Variants in DENND1A observed in about 807,000 individuals in gnomAD.
DENND1A encodes the protein DENN domain-containing protein 1A.
A neutral mutation model predicts 113.7 loss-of-function variants in DENND1A; 51 were observed. The observed-to-expected ratio is 0.45, with a 90% CI of 0.36 to 0.57. The LOEUF (loss-of-function observed/expected upper bound fraction) is 0.57. Among genes scored for constraint, DENND1A ranks in the 20% least tolerant of loss-of-function variants. The pLI is 0.00. For synonymous variants in DENND1A, 565 were observed against 570.8 expected (o/e 0.99, Z 0.14); for missense variants, 1,258 against 1,395.9 (o/e 0.90, Z 1.57).
chr9:123,567,452 C>T (rs568566477), intron 12 of DENND1A, among the ~76,000 whole-genome samples: 12 of 152,048 alleles, frequency 7.9e-5, no homozygotes, highest in African/African-American at 2.9e-4. Context: ...AAAAGTGGAC[C>T]AATATCTTTC....
intron 5 of DENND1A, among the ~76,000 whole-genome samples, chr9:123,723,658 G>C (rs1446442771): frequency 2.0e-5 from 3 of 152,114 alleles, no homozygotes; most frequent in African/African-American, 7.2e-5. Context: ...AGCTCTATTT[G>C]CTTGCTGCCA....
intron 1 of DENND1A, among the ~76,000 whole-genome samples, chr9:123,920,189 G>T (rs959784911): frequency 6.6e-6 from 1 of 152,102 alleles, no homozygotes; most frequent in African/African-American, 2.4e-5. Context: ...CCAGCACTTC[G>T]GGAGGCCGAG....
At chr9:123,627,180 C>T (rs939569914) in intron 10 of DENND1A, among the ~76,000 whole-genome samples, 2 of 152,190 alleles carry the variant, frequency 1.3e-5, no homozygotes, top group African/African-American at 4.8e-5. Context: ...CAAAGGCTCT[C>T]AGACTTTCAC....
intron 16 of DENND1A, among the ~76,000 whole-genome samples, chr9:123,452,579 T>C (rs761903475): frequency 7.8e-4 from 118 of 151,566 alleles, no homozygotes; most frequent in Non-Finnish European, 1.4e-3. Context: ...GGAGTGTGAA[T>C]TGATGGAAGG....
chr9:123,802,931 A>G (rs1834943652), intron 2 of DENND1A, among the ~76,000 whole-genome samples: 1 of 151,776 alleles, frequency 6.6e-6, no homozygotes, highest in Admixed American at 6.6e-5. Flanking sequence ...CTAACTCCCA[A>G]CCTCAGGTGA....
rs1588970452 is a variant in DENND1A, at chr9:123,523,143, G to A, written c.993+34427C>T. Reference sequence around the variant, plus strand: ...ATTTCAGGAGGGGTAAAGGAGGGAGGGTTAAATGTTTAGAGAGTGTTGCCT... The same window carrying A: ...ATTTCAGGAGGGGTAAAGGAGGGAGAGTTAAATGTTTAGAGAGTGTTGCCT... On this transcript the variant is annotated intron_variant, in intron 13 of 23. Coordinates refer to ENST00000394215, the MANE Select transcript of DENND1A (RefSeq NM_001352964.2). Among the ~76,000 whole-genome samples the A allele has an allele frequency of 2.6e-5, 4 of 152,272 alleles. No individual in the cohort carries two copies. The South Asian group carries it at 8.3e-4, about 32-fold the overall frequency.
chr9:123,561,152 C>T (rs925941810), intron 12 of DENND1A, among the ~76,000 whole-genome samples: 3 of 152,196 alleles, frequency 2.0e-5, no homozygotes, highest in African/African-American at 7.2e-5. Flanking sequence ...CCACCTGTGC[C>T]GCAGATTATT....
chr9:123,480,187 C>T (rs922059112), intron 13 of DENND1A, among the ~76,000 whole-genome samples: 2 of 152,210 alleles, frequency 1.3e-5, no homozygotes, highest in Non-Finnish European at 2.9e-5. Context: ...GCCTGGACAG[C>T]GGCAATTGCC....
intron 2 of DENND1A, among the ~76,000 whole-genome samples, chr9:123,796,772 C>T (rs10986108): frequency 2.0e-5 from 3 of 151,744 alleles, no homozygotes; most frequent in African/African-American, 7.3e-5. Flanking sequence ...CACACACACA[C>T]ACACACACAC....
chr9:123,674,086 C>T (rs75286158), intron 6 of DENND1A, among the ~76,000 whole-genome samples: 2 of 152,176 alleles, frequency 1.3e-5, no homozygotes, highest in East Asian at 3.9e-4. Context: ...GTTCTGACAT[C>T]CCATGCTGAG....
At chr9:123,540,696 G>A (rs2056220815) in intron 13 of DENND1A, among the ~76,000 whole-genome samples, 1 of 152,214 alleles carries the variant, frequency 6.6e-6, no homozygotes, top group Non-Finnish European at 1.5e-5. Flanking sequence ...TGTGAAACCA[G>A]AGAGACGAAA....
At chr9:123,862,902 A>T (rs1845252619) in intron 2 of DENND1A, among the ~76,000 whole-genome samples, 1 of 152,250 alleles carries the variant, frequency 6.6e-6, no homozygotes, top group South Asian at 2.1e-4. Context: ...GTTTGTGGTC[A>T]ACATTAAGAT....
chr9:123,714,042 G>T (rs2066811183), intron 5 of DENND1A, among the ~76,000 whole-genome samples: 1 of 152,230 alleles, frequency 6.6e-6, no homozygotes, highest in African/African-American at 2.4e-5. Context: ...AGTGTGTACA[G>T]TTAGAAGCAT....
intron 4 of DENND1A, among the ~76,000 whole-genome samples, chr9:123,765,410 C>G (rs1379936821): frequency 6.6e-6 from 1 of 152,110 alleles, no homozygotes; most frequent in Non-Finnish European, 1.5e-5. Context: ...TAGGGCAATG[C>G]CTGGCACAAA....
At chr9:123,446,114 C>A (rs1485725026) in intron 18 of DENND1A, among the ~76,000 whole-genome samples, 1 of 152,204 alleles carries the variant, frequency 6.6e-6, no homozygotes, top group African/African-American at 2.4e-5. Flanking sequence ...AGCCCAAACA[C>A]CACATCTCCA....
intron 2 of DENND1A, among the ~76,000 whole-genome samples, chr9:123,817,845 G>A (rs982253589): frequency 1.1e-4 from 16 of 151,944 alleles, no homozygotes; most frequent in Non-Finnish European, 1.8e-4. Context: ...TGGCCAACAA[G>A]GTGAAACCTC....
At chr9:123,498,215 C>A (rs1443349777) in intron 13 of DENND1A, among the ~76,000 whole-genome samples, 1 of 152,184 alleles carries the variant, frequency 6.6e-6, no homozygotes, top group Non-Finnish European at 1.5e-5. Context: ...TTTATAGGGT[C>A]CCTATTATGT....
At position 123,381,386 on chromosome 9, in the gene DENND1A, G is replaced by C; in HGVS notation, c.*46C>G. 6.4e-7 allele frequency: 1 copy of C among 1,570,552 alleles called. No homozygotes were observed. The highest frequency in any genetic ancestry group is 8.7e-7 in the Non-Finnish European group (1 of 1,153,456). ...GGGGAGCCTCGGAACCGCAGCAGTG[G>C]ACGGACCCTCGGGCCTCGGTGCATC... On this transcript the variant is annotated 3_prime_UTR_variant, in exon 24 of 24. Coordinates refer to ENST00000394215, the MANE Select transcript of DENND1A (RefSeq NM_001352964.2). This position sits in a 1 kb window ranked among gnomAD's most constrained non-coding sequence, Gnocchi z 4.7.
chr9:123,670,450 C>T lies in DENND1A; in HGVS notation c.453+841G>A, dbSNP rs111680484. Among the ~76,000 whole-genome samples the T allele has an allele frequency of 7.2e-5, 11 of 152,296 alleles. 1 individual carries two copies. The highest frequency in any genetic ancestry group is 2.6e-4 in the African/African-American group (11 of 41,576). On this transcript the variant is annotated intron_variant, in intron 7 of 23. Coordinates refer to ENST00000394215, the MANE Select transcript of DENND1A (RefSeq NM_001352964.2). ...AAAATATGGAAAAGATCTCCCACAC[C>T]TCTTCTGATGCCTTATCTGACAGAT...
Sources: gnomAD v4.1 joint callset for allele counts (sites outside exome capture counted in the v4.1 genomes callset) on GRCh38, gnomAD v4.1.1 for gene constraint, Gnocchi (gnomAD v3.1) non-coding constraint, MANE v1.5 for transcripts, NCBI Gene and HGNC (gene_info 2026-07-23, HGNC 2026-07-21) for gene names.